Variants in SLC24A2 observed in about 807,000 individuals in gnomAD.
The protein encoded by SLC24A2 is solute carrier family 24 member 2, also known as sodium/potassium/calcium exchanger 2.
SLC24A2 carries 36 observed loss-of-function variants against 62.0 expected under a neutral mutation model. That is an observed-to-expected ratio of 0.58 (90% CI 0.44 to 0.77). The LOEUF is 0.77. Among genes scored for constraint, SLC24A2 ranks in the 30% least tolerant of loss-of-function variants. The pLI is 0.00. For missense variants in SLC24A2, 846 were observed against 817.9 expected, an observed-to-expected ratio of 1.03 and a Z score of -0.42; for synonymous variants, 358 against 294.0, an observed-to-expected ratio of 1.22 and a Z score of -2.23.
intron 2 of SLC24A2, among the ~76,000 whole-genome samples, chr9:19,639,661 T>A (rs752200091): frequency 2.0e-5 from 3 of 152,248 alleles, no homozygotes; most frequent in Non-Finnish European, 4.4e-5. Flanking sequence ...AATATCTGGA[T>A]AACCTATTTC....
the SLC24A2 span, among the ~76,000 whole-genome samples, chr9:20,201,051 C>G: frequency 6.6e-6 from 1 of 152,158 alleles, no homozygotes; most frequent in Non-Finnish European, 1.5e-5. Flanking sequence ...CTCCCAGTAC[C>G]CAAAGTCCAG....
At chr9:20,017,820 G>A in the SLC24A2 span, among the ~76,000 whole-genome samples, 1 of 152,312 alleles carries the variant, frequency 6.6e-6, no homozygotes, top group South Asian at 2.1e-4. Context: ...ATTTCATGTT[G>A]GCAGCTGATT....
the SLC24A2 span, among the ~76,000 whole-genome samples, chr9:20,106,100 G>A: frequency 3.7e-3 from 557 of 152,304 alleles, 5 homozygotes; most frequent in African/African-American, 0.013. Context: ...AAATCTAGAA[G>A]AAATGGATAA....
chr9:19,665,351 A>C (rs997118112), intron 2 of SLC24A2, among the ~76,000 whole-genome samples: 4 of 152,128 alleles, frequency 2.6e-5, no homozygotes, highest in African/African-American at 9.7e-5. Flanking sequence ...GACTGCTAGC[A>C]CTTCAGATGT....
At chr9:20,265,325 C>T in the SLC24A2 span, among the ~76,000 whole-genome samples, 5 of 152,126 alleles carry the variant, frequency 3.3e-5, no homozygotes, top group Non-Finnish European at 5.9e-5. Context: ...CGAGTTGTTG[C>T]GGGAAGTCAG....
At chr9:19,534,578 A>G (rs1433033653) in intron 8 of SLC24A2, among the ~76,000 whole-genome samples, 1 of 151,254 alleles carries the variant, frequency 6.6e-6, no homozygotes, top group African/African-American at 2.4e-5. Flanking sequence ...TCATTGTTCA[A>G]CTCCCACTTA....
the SLC24A2 span, among the ~76,000 whole-genome samples, chr9:19,948,708 A>C: frequency 1.3e-5 from 2 of 151,280 alleles, no homozygotes; most frequent in Non-Finnish European, 1.5e-5. Context: ...AGCCGGGCGC[A>C]GTGGCGGGCG....
intron 2 of SLC24A2, among the ~76,000 whole-genome samples, chr9:19,701,659 A>C (rs7866506): frequency 6.6e-6 from 1 of 152,046 alleles, no homozygotes; most frequent in East Asian, 1.9e-4. Context: ...GATGCTGACC[A>C]ATCTTCTGGC....
intron 8 of SLC24A2, among the ~76,000 whole-genome samples, chr9:19,542,484 G>C (rs933168544): frequency 6.6e-6 from 1 of 152,168 alleles, no homozygotes; most frequent in African/African-American, 2.4e-5. Context: ...ATATTGAATA[G>C]GAGTGATGAG....
rs71335441 is a variant in SLC24A2, at chr9:19,642,986, CTTTT to C, written c.931-20691_931-20688del. ...TGAGCCACCGTGCCTGGCCAGTATT[CTTTT>C]TTTTTTTTTTTTTTTTTTAACATAT... On this transcript the variant is annotated intron_variant, in intron 2 of 10. Transcript: ENST00000341998. Among the ~76,000 whole-genome samples the C allele has an allele frequency of 1.0e-3, 126 of 125,278 alleles. 1 individual carries two copies. The East Asian group carries it at 0.011, about 11-fold the overall frequency. The allele number at this position is 125,278 out of a possible 152,430, so 82.2% of individuals were successfully genotyped here.
the SLC24A2 span, among the ~76,000 whole-genome samples, chr9:20,219,122 A>G: frequency 4.6e-5 from 7 of 152,322 alleles, no homozygotes; most frequent in African/African-American, 9.6e-5. Flanking sequence ...GAGTTACTCA[A>G]TGGAGTTGGG....
At chr9:19,810,682 T>A in the SLC24A2 span, among the ~76,000 whole-genome samples, 3 of 152,216 alleles carry the variant, frequency 2.0e-5, no homozygotes, top group Non-Finnish European at 2.9e-5. Flanking sequence ...AAAACCATAA[T>A]AAAATCCATA....
intron 8 of SLC24A2, among the ~76,000 whole-genome samples, chr9:19,549,132 G>A (rs1834720836): frequency 6.6e-6 from 1 of 152,162 alleles, no homozygotes; most frequent in Non-Finnish European, 1.5e-5. Context: ...TGTGATAATG[G>A]TAGATAATAA....
At chr9:19,700,870 G>T (rs928688919) in intron 2 of SLC24A2, among the ~76,000 whole-genome samples, 2 of 151,990 alleles carry the variant, frequency 1.3e-5, no homozygotes, top group African/African-American at 4.8e-5. Flanking sequence ...CTTCCTCATG[G>T]TGTTACTGCT....
At chr9:19,982,975 A>G in the SLC24A2 span, among the ~76,000 whole-genome samples, 1 of 152,316 alleles carries the variant, frequency 6.6e-6, no homozygotes, top group Non-Finnish European at 1.5e-5. Context: ...TTCATGAAAA[A>G]ACACTCAGAA....
At chr9:19,820,691 T>C in the SLC24A2 span, among the ~76,000 whole-genome samples, 1 of 151,910 alleles carries the variant, frequency 6.6e-6, no homozygotes, top group East Asian at 1.9e-4. Context: ...TGTGTGTGTG[T>C]GTGTGTATTT....
chr9:20,211,079 A>G, the SLC24A2 span, among the ~76,000 whole-genome samples: 1 of 151,802 alleles, frequency 6.6e-6, no homozygotes, highest in African/African-American at 2.4e-5. Context: ...CATTAAACAT[A>G]TATCAGATAA....
chr9:19,770,647 C>T (rs1564091565), intron 2 of SLC24A2, among the ~76,000 whole-genome samples: 1 of 152,082 alleles, frequency 6.6e-6, no homozygotes, highest in Non-Finnish European at 1.5e-5. Context: ...CAGATAAATG[C>T]ATAGGTAACT....
At chr9:19,526,139 CATA>C (rs1156602747) in intron 9 of SLC24A2, among the ~76,000 whole-genome samples, 1 of 152,086 alleles carries the variant, frequency 6.6e-6, no homozygotes, top group Non-Finnish European at 1.5e-5. Context: ...TTTCACTTAG[CATA>C]ATATTTTCGA....
Sources: gnomAD v4.1 joint callset for allele counts (sites outside exome capture counted in the v4.1 genomes callset) on GRCh38, gnomAD v4.1.1 for gene constraint, MANE v1.5 for transcripts, NCBI Gene and HGNC (gene_info 2026-07-23, HGNC 2026-07-21) for gene names.